The following C5 variants were observed in gnomAD, a reference collection of about 807,000 sequenced individuals.
C5 encodes C3 and PZP-like alpha-2-macroglobulin domain-containing protein 4.
Under a neutral mutation model 218.8 loss-of-function variants are expected in C5, and 140 were observed. The observed-to-expected ratio is 0.64, with a 90% confidence interval of 0.56 to 0.74. The LOEUF (loss-of-function observed/expected upper bound fraction) is 0.74. Among genes scored for constraint, C5 ranks in the 30% least tolerant of loss-of-function variants. The pLI, the probability that C5 is intolerant of heterozygous loss-of-function variation, is 0.00. For missense variants in C5, 1,700 were observed against 1,969.6 expected (o/e 0.86, Z 2.59); for synonymous variants, 614 against 682.3 (o/e 0.90, Z 1.56).
rs866774049 is a variant in C5 at position 121,041,327 on chromosome 9, C to T, written c.421+1677G>A. ...TTTTTTTTTTTTTTTTTTGCTGAGA[C>T]GAAGTCTCACTCTTTCGCCCAGGCT... On this transcript the variant is annotated intron_variant, in intron 3 of 40. Transcript: ENST00000223642. Among the ~76,000 whole-genome samples the T allele has an allele frequency of 5.3e-4, 17 of 32,368 alleles. No homozygotes were observed. The East Asian group carries it at 0.011, about 21-fold the overall frequency. The allele number at this position is 32,368 out of a possible 152,430, so 21.2% of individuals were successfully genotyped here.
intron 17 of C5, among the ~76,000 whole-genome samples, chr9:121,011,237 A>G (rs1203662632): frequency 6.6e-6 from 1 of 152,206 alleles, no homozygotes; most frequent in Non-Finnish European, 1.5e-5. Context: ...CTGACAAGAG[A>G]TTAATAACAA....
intron 18 of C5, among the ~76,000 whole-genome samples, chr9:121,007,503 A>AT (rs751875147): frequency 3.3e-5 from 5 of 152,234 alleles, no homozygotes; most frequent in Non-Finnish European, 7.3e-5. Flanking sequence ...AAGTAAATAA[A>AT]TTACACTGCA....
chr9:120,987,163 G>A (rs2047038663), intron 25 of C5, among the ~76,000 whole-genome samples: 1 of 152,164 alleles, frequency 6.6e-6, no homozygotes, highest in African/African-American at 2.4e-5. Flanking sequence ...TTGGCTTCCG[G>A]AAACCTAGAA....
At chr9:120,968,906 T>C (rs1192693827) in intron 33 of C5, among the ~76,000 whole-genome samples, 155 bp downstream of exon 33, 3 of 152,200 alleles carry the variant, frequency 2.0e-5, no homozygotes, top group African/African-American at 7.2e-5. Flanking sequence ...TTATGGTAAG[T>C]AGCAATTTAA....
chr9:121,025,466 T>C lies in C5; in HGVS notation c.988A>G (p.Ile330Val), dbSNP rs956533717. 5.7e-6 allele frequency: 9 copies of C among 1,589,418 alleles called. No homozygotes were observed. Among genetic ancestry groups the C allele is most frequent in the African/African-American group, 1.4e-5 (1 of 71,338 alleles). ...NKYLYIAVTV[I>V]ESTGGFSEEA... ...CACACACACTTACCTGTAGACTCTA[T>C]GACTGTTACAGCAATATAAAGGTAC... The change falls in exon 9 of 41, where the codon ATA becomes GTA. Residue 330 changes from isoleucine (I) to valine (V), a missense_variant. Transcript: ENST00000223642.
intron 36 of C5, 71 bp from the exon 37 acceptor site, chr9:120,961,636 G>T: frequency 2.1e-6 from 2 of 938,394 alleles, no homozygotes; most frequent in Non-Finnish European, 3.5e-6. Flanking sequence ...ATTGGCAAGT[G>T]TCTTACATGG....
rs117184450 is a variant in C5, at chr9:120,975,172, T to G, written c.3865-241A>C. On this transcript the variant is annotated intron_variant, in intron 29 of 40. Coordinates refer to ENST00000223642, the MANE Select transcript of C5 (RefSeq NM_001735.3). ...GCCTCAGATCTGGGTCCTCTATATA[T>G]TCTGCAAATGTAACCTCAGGCAAGT... Among the ~76,000 whole-genome samples, 4 of 152,332 alleles carry G rather than the reference T, an allele frequency of 2.6e-5. No individual in the cohort carries two copies. The East Asian group carries it at 7.7e-4, about 29-fold the overall frequency.
rs1222455417 is a variant in C5 at position 121,046,246 on chromosome 9, G to A, written c.203C>T (p.Ser68Leu). 2 of 1,607,040 alleles carry A rather than the reference G, an allele frequency of 1.2e-6. No homozygotes were observed. The highest frequency in any genetic ancestry group is 2.2e-5 in the East Asian group (1 of 44,698). ...SYPDKKFSYS[S>L]GHVHLSSENK... is the part of the protein sequence containing the mutation. ...CTCTGAGGATAAATGAACATGGCCT[G>A]AGGAGTAACTAAATTTTTTATCAGG... Residue 68 changes from serine (S) to leucine (L), a missense_variant, in exon 2 of 41, where the codon TCA (serine) becomes TTA (leucine). By Grantham distance (145) the Ser-to-Leu change is moderately radical. Coordinates refer to ENST00000223642, the MANE Select transcript of C5 (RefSeq NM_001735.3).
At chr9:120,988,356 G>C (rs561375840) in intron 25 of C5, among the ~76,000 whole-genome samples, 1 of 152,304 alleles carries the variant, frequency 6.6e-6, no homozygotes, top group South Asian at 2.1e-4. Flanking sequence ...GAGGTGTTGG[G>C]AGGGGAGTGG....
intron 17 of C5, 142 bp from the exon 18 acceptor site, chr9:121,008,640 G>A: frequency 2.9e-6 from 2 of 688,968 alleles, no homozygotes; most frequent in South Asian, 1.6e-5. Context: ...TTCCAAAATA[G>A]AATTATAGGC....
chr9:121,055,072 A>G (rs2047691669), upstream of C5, among the ~76,000 whole-genome samples: 1 of 151,068 alleles, frequency 6.6e-6, no homozygotes, highest in Non-Finnish European at 1.5e-5. Flanking sequence ...CTTAAGACCC[A>G]CCTATAACTA....
rs910915714 is a variant in C5, at chr9:121,017,485, T to C, written c.1743A>G (p.Ala581=). 6.2e-7 allele frequency: 1 copy of C among 1,613,896 alleles called. No homozygotes were observed. The highest frequency in any genetic ancestry group is 8.5e-7 in the Non-Finnish European group (1 of 1,179,960). The part of the protein sequence containing the change: ...LQVHLSPDAD[A]YSPGQTVSLN... Reference sequence around the variant, plus strand: ...GAGACACAGTTTGGCCTGGAGAATATGCATCTGCATCAGGAGACAGATGAA... The same window carrying C: ...GAGACACAGTTTGGCCTGGAGAATACGCATCTGCATCAGGAGACAGATGAA... Residue 581 remains alanine, a synonymous_variant, in exon 14 of 41, where the codon GCA becomes GCG. Transcript: ENST00000223642.
chr9:121,045,641 C>G (rs2047620426), intron 2 of C5, among the ~76,000 whole-genome samples: 2 of 152,230 alleles, frequency 1.3e-5, no homozygotes, highest in South Asian at 4.1e-4. Flanking sequence ...GCAAGTATGT[C>G]TCTAAGCAAT....
intron 12 of C5, among the ~76,000 whole-genome samples, chr9:121,019,044 G>A (rs897878739): frequency 2.6e-5 from 4 of 151,606 alleles, no homozygotes; most frequent in Non-Finnish European, 5.9e-5. Flanking sequence ...AACCCCTTTT[G>A]TTTCACCGAT....
At chr9:121,034,733 C>CT in intron 5 of C5, 70 bp downstream of exon 5, 6 of 825,538 alleles carry the variant, frequency 7.3e-6, no homozygotes, top group Non-Finnish European at 1.3e-5. Context: ...AGGTGGCCCC[C>CT]TTTAACTGGT....
At chr9:121,013,280 C>A (rs551091249) in intron 17 of C5, among the ~76,000 whole-genome samples, 1 of 145,388 alleles carries the variant, frequency 6.9e-6, no homozygotes, top group East Asian at 2.1e-4. Context: ...GATTGCACCA[C>A]TGCACTCCAG....
chr9:120,958,577 T>TC (rs1160186187), intron 38 of C5, among the ~76,000 whole-genome samples: 5 of 152,036 alleles, frequency 3.3e-5, no homozygotes, highest in African/African-American at 1.2e-4. Flanking sequence ...CTTTTTTTTT[T>TC]TTCCAAAATC....
At chr9:121,055,348 G>C in the C5 span, among the ~76,000 whole-genome samples, 261 of 152,152 alleles carry the variant, frequency 1.7e-3, 3 homozygotes, top group East Asian at 0.015. Flanking sequence ...GCAAGGTCTA[G>C]TGCTGTCCTG....
the C5 span, among the ~76,000 whole-genome samples, chr9:121,069,560 C>T: frequency 1.0e-4 from 15 of 150,332 alleles, no homozygotes; most frequent in South Asian, 6.3e-4. Flanking sequence ...GTTGCCCAGG[C>T]GGCATTGCAG....
Sources: gnomAD v4.1 joint callset for allele counts (sites outside exome capture counted in the v4.1 genomes callset) on GRCh38, gnomAD v4.1.1 for gene constraint, MANE v1.5 for transcripts, NCBI Gene and HGNC (gene_info 2026-07-23, HGNC 2026-07-21) for gene names.